The following MANBA variants were observed in gnomAD, a reference collection of about 807,000 sequenced individuals.
MANBA encodes the protein beta-mannosidase.
A neutral mutation model predicts 111.1 loss-of-function variants in MANBA; 83 were observed. The ratio of observed to expected loss-of-function variants is 0.75; its 90% CI spans 0.63 to 0.90. The LOEUF is 0.90. Ranked by LOEUF, MANBA falls within the 40% of genes least tolerant of loss-of-function variation. The probability of loss-of-function intolerance (pLI) is 0.00; values close to 1 mark genes in which losing one functional copy is unlikely to be tolerated. For synonymous variants in MANBA, 370 were observed against 378.7 expected (o/e 0.98, Z 0.27); for missense variants, 1,036 against 1,069.0 (o/e 0.97, Z 0.43).
chr4:102,658,659 A>G (rs760031334), intron 11 of MANBA, among the ~76,000 whole-genome samples: 8 of 152,204 alleles, frequency 5.3e-5, no homozygotes, highest in Non-Finnish European at 1.0e-4. Flanking sequence ...CATCCCTAGG[A>G]AGTGGCTTCC....
chr4:102,713,700 G>A (rs1451922993), intron 5 of MANBA, among the ~76,000 whole-genome samples: 1 of 152,002 alleles, frequency 6.6e-6, no homozygotes, highest in Non-Finnish European at 1.5e-5. Context: ...TCAGGAGTTC[G>A]AGACTGGCCA....
intron 13 of MANBA, among the ~76,000 whole-genome samples, chr4:102,648,493 T>C (rs893026745): frequency 6.6e-6 from 1 of 152,090 alleles, no homozygotes; most frequent in South Asian, 2.1e-4. Context: ...AGATCACATA[T>C]TGTATAATTC....
rs116600851 is a variant in MANBA at position 102,719,354 on chromosome 4, C to T, written c.549+3517G>A. On this transcript the variant is annotated intron_variant, in intron 4 of 16. Transcript: ENST00000647097. ...ACAGGCAGTCAGATGTTATGGTTAT[C>T]TTCCCTTCTTCCCTGAAAATCGCCG... 1.8e-3 allele frequency among the ~76,000 whole-genome samples: 278 copies of T among 152,312 alleles called. 3 individuals are homozygous for T. The highest frequency in any genetic ancestry group is 6.4e-3 in the African/African-American group (268 of 41,570).
intron 1 of MANBA, chr4:102,727,661 G>A (rs368412393): frequency 5.9e-5 from 85 of 1,439,476 alleles, no homozygotes; most frequent in East Asian, 2.5e-4. Context: ...TCTTCTCTAA[G>A]TTGAACGCAG....
chr4:102,715,802 T>C (rs1722298474), intron 4 of MANBA, among the ~76,000 whole-genome samples: 1 of 152,248 alleles, frequency 6.6e-6, no homozygotes, highest in Admixed American at 6.5e-5. Context: ...CCAATATATC[T>C]ATGTTGCACG....
chr4:102,751,805 T>C, intron 1 of MANBA: 2 of 514,668 alleles, frequency 3.9e-6, no homozygotes, highest in Admixed American at 2.1e-5. Flanking sequence ...TAATGACAAT[T>C]GTTGGACATA....
intron 11 of MANBA, chr4:102,662,958 G>A (rs1731038187): frequency 6.5e-6 from 1 of 152,866 alleles, no homozygotes; most frequent in Non-Finnish European, 1.5e-5. Flanking sequence ...GGAAGCCAAA[G>A]AGAAAGGAGC....
chr4:102,631,711 G>T lies in MANBA; in HGVS notation c.*346C>A, dbSNP rs770412470. ...TACATCACCTCAAAACCTTCCATTT[G>T]GTTCCATAGATCCTGCCATGTCACA... On this transcript the variant is annotated 3_prime_UTR_variant, in exon 17 of 17. Transcript: ENST00000647097. The T allele has an allele frequency of 9.3e-6, 5 of 534,806 alleles. No homozygotes were observed. The highest frequency in any genetic ancestry group is 7.5e-5 in the African/African-American group (4 of 53,018). The allele number at this position is 534,806 out of a possible 1,614,324, so 33.1% of individuals were successfully genotyped here.
chr4:102,673,173 G>A (rs1731569243), intron 8 of MANBA, among the ~76,000 whole-genome samples: 1 of 152,094 alleles, frequency 6.6e-6, no homozygotes, highest in Non-Finnish European at 1.5e-5. Context: ...TTCTTTTGTT[G>A]AGATAAAAGT....
chr4:102,695,842 G>T (rs1732683035), intron 5 of MANBA, among the ~76,000 whole-genome samples: 1 of 152,148 alleles, frequency 6.6e-6, no homozygotes, highest in Non-Finnish European at 1.5e-5. Flanking sequence ...GAGTCCTAAA[G>T]CCAAATGTCG....
chr4:102,729,332 T>A, intron 1 of MANBA: 1 of 756,046 alleles, frequency 1.3e-6, no homozygotes, highest in Non-Finnish European at 2.4e-6. Context: ...ATCTGGTACA[T>A]GCTCTCAGCC....
rs2110233447 is a variant in MANBA, at chr4:102,681,088, G to A, written c.961-7018C>T. 2.0e-5 allele frequency among the ~76,000 whole-genome samples: 3 copies of A among 152,300 alleles called. No homozygotes were observed. In the Middle Eastern group the frequency reaches 0.01, roughly 518 times the overall value. ...AGGCTGAAGCGGGAGGGTTGCTTGA[G>A]GACAGGGGTGTGAGACCAGCCTGGG... On this transcript the variant is annotated intron_variant, in intron 7 of 16. Coordinates refer to ENST00000647097, the MANE Select transcript of MANBA (RefSeq NM_005908.4).
chr4:102,657,230 G>T (rs543340786), intron 12 of MANBA, among the ~76,000 whole-genome samples: 17 of 111,898 alleles, frequency 1.5e-4, no homozygotes, highest in Admixed American at 5.0e-4. Flanking sequence ...GGTGGGGGGG[G>T]GGTGGGCGGT....
At chr4:102,658,283 A>G (rs1349321760) in intron 11 of MANBA, among the ~76,000 whole-genome samples, 1 of 152,102 alleles carries the variant, frequency 6.6e-6, no homozygotes, top group African/African-American at 2.4e-5. Context: ...TGTCTTATGC[A>G]TTGTAGGATA....
chr4:102,711,894 C>T (rs199664217), intron 5 of MANBA, among the ~76,000 whole-genome samples: 2 of 151,862 alleles, frequency 1.3e-5, no homozygotes, highest in East Asian at 3.9e-4. Context: ...ATAATAGAGA[C>T]GAGAGGCTAG....
chr4:102,664,541 G>A (rs1290329482), intron 11 of MANBA, 144 bp downstream of exon 11: 8 of 669,726 alleles, frequency 1.2e-5, no homozygotes, highest in East Asian at 5.8e-5. Context: ...TAGTAGAGAC[G>A]GGGTTTCACC....
intron 13 of MANBA, among the ~76,000 whole-genome samples, chr4:102,649,622 T>G (rs1730244359): frequency 6.6e-6 from 1 of 152,182 alleles, no homozygotes; most frequent in Non-Finnish European, 1.5e-5. Context: ...TCTTATTGCT[T>G]TATTCTGGAT....
rs367662356 is a variant in MANBA, at chr4:102,689,376, ATATGTG to A, written c.960+192_960+197del. Among the ~76,000 whole-genome samples the A allele has an allele frequency of 0.011, 1,209 of 108,166 alleles. 8 individuals are homozygous for A. Among genetic ancestry groups the A allele is most frequent in the Non-Finnish European group, 0.013 (614 of 46,220 alleles). The allele number at this position is 108,166 out of a possible 152,430, so 71.0% of individuals were successfully genotyped here. On this transcript the variant is annotated intron_variant, in intron 7 of 16. Coordinates refer to ENST00000647097, the MANE Select transcript of MANBA (RefSeq NM_005908.4). ...AAAAAAAAAATATATATATATATAT[ATATGTG>A]TGTGTGTATATATATGTATGTATAT...
rs185854114 is a variant in MANBA, at chr4:102,753,226, T to C, written c.177+7492A>G. Among the ~76,000 whole-genome samples the C allele has an allele frequency of 2.0e-5, 3 of 152,246 alleles. No individual in the cohort carries two copies. In the East Asian group the frequency reaches 5.8e-4, roughly 29 times the overall value. ...CCACCTTAGGGGATGATTTCATTTTTATGTTATATTTGTCTCTATATACTT... is the reference window on the plus strand; with the variant it reads ...CCACCTTAGGGGATGATTTCATTTTCATGTTATATTTGTCTCTATATACTT... On this transcript the variant is annotated intron_variant, in intron 1 of 16. Transcript: ENST00000647097.
Sources: gnomAD v4.1 joint callset for allele counts (sites outside exome capture counted in the v4.1 genomes callset) on GRCh38, gnomAD v4.1.1 for gene constraint, MANE v1.5 for transcripts, NCBI Gene and HGNC (gene_info 2026-07-23, HGNC 2026-07-21) for gene names.